The following REPS2 variants were observed in gnomAD, a reference collection of about 807,000 sequenced individuals.
REPS2 encodes ralBP1-associated Eps domain-containing protein 2.
In REPS2, 23 loss-of-function variants were observed where a neutral mutation model predicts 53.6. The ratio of observed to expected loss-of-function variants is 0.43; its 90% CI spans 0.31 to 0.61. The LOEUF (loss-of-function observed/expected upper bound fraction) is 0.61, where lower values mean the gene tolerates loss of function less well. Among genes scored for constraint, REPS2 ranks in the 20% least tolerant of loss-of-function variants. The probability of loss-of-function intolerance (pLI) is 0.11; values close to 1 mark genes in which losing one functional copy is unlikely to be tolerated. For missense variants in REPS2, 446 were observed against 534.9 expected (o/e 0.83, Z 1.64); for synonymous variants, 238 against 218.6 (o/e 1.09, Z -0.78).
chrX:17,190,385 A>C, the REPS2 span, among the ~76,000 whole-genome samples: 3 of 112,469 alleles, frequency 2.7e-5, no homozygotes, highest in African/African-American at 9.7e-5. Flanking sequence ...ACCTCCAAAA[A>C]GTGAAACATT....
At position 17,025,349 on chromosome X, in the gene REPS2, A is replaced by T. The variant is rs749884530; in HGVS notation, c.673+164A>T. 8.0e-5 allele frequency among the ~76,000 whole-genome samples: 9 copies of T among 112,009 alleles called. No individual in the cohort carries two copies. In the East Asian group the frequency reaches 1.1e-3, roughly 14 times the overall value. ...ATATTCTCAAGCAAGGTTTTTTTTT[A>T]AAAATTGATTTAAACATATTTGAGT... On this transcript the variant is annotated intron_variant, in intron 4 of 17. Transcript: ENST00000357277.
Position 17,113,455 on chromosome X carries a change from T to C in REPS2, c.1578+9676T>C, listed in dbSNP as rs182350631. Among the ~76,000 whole-genome samples the C allele has an allele frequency of 5.0e-4, 55 of 110,568 alleles. No individual in the cohort carries two copies. The East Asian group carries it at 0.013, about 25-fold the overall frequency. On this transcript the variant is annotated intron_variant, in intron 14 of 17. Coordinates refer to ENST00000357277, the MANE Select transcript of REPS2 (RefSeq NM_004726.3). The stretch of plus-strand genomic sequence containing the variant: ...TGTTTTGTGTAATGTATTTTTCCTT[T>C]GTTAACTTTGGCAGTACCTTTTACT...
At chrX:17,030,615 GTGGGACTCTGTGTACAAATAATTT>G (rs1241617025) in intron 5 of REPS2, among the ~76,000 whole-genome samples, 1 of 111,997 alleles carries the variant, frequency 8.9e-6, no homozygotes, top group Non-Finnish European at 1.9e-5. Flanking sequence ...ATTTTCTAAG[GTGGGACTCTGTGTACAAATAATTT>G]CTTAAAGATA....
intron 1 of REPS2, among the ~76,000 whole-genome samples, chrX:16,947,893 C>G (rs934691183): frequency 9.0e-6 from 1 of 111,596 alleles, no homozygotes; most frequent in Non-Finnish European, 1.9e-5. Flanking sequence ...TTTGGCTGTT[C>G]TATACTTGGA....
At chrX:17,183,299 T>C in the REPS2 span, among the ~76,000 whole-genome samples, 1 of 112,354 alleles carries the variant, frequency 8.9e-6, no homozygotes, top group African/African-American at 3.2e-5. Context: ...TTATTAATAA[T>C]TAACAATAAA....
intron 2 of REPS2, among the ~76,000 whole-genome samples, chrX:17,019,153 A>G (rs761551223): frequency 8.9e-6 from 1 of 112,127 alleles, no homozygotes; most frequent in South Asian, 3.7e-4. Flanking sequence ...ATGGAAAAAC[A>G]AAGGATTTTT....
intron 17 of REPS2, among the ~76,000 whole-genome samples, chrX:17,142,380 G>T (rs2063457574): frequency 9.0e-6 from 1 of 111,338 alleles, no homozygotes; most frequent in Non-Finnish European, 1.9e-5. Flanking sequence ...CTTTTATTTT[G>T]CCAAGCACAG....
Position 16,994,319 on chromosome X carries a change from A to G in REPS2, c.274-11902A>G, listed in dbSNP as rs2061199166. Among the ~76,000 whole-genome samples, 7 of 110,892 alleles carry G rather than the reference A, an allele frequency of 6.3e-5. No individual in the cohort carries two copies. In the Admixed American group the frequency reaches 6.7e-4, roughly 11 times the overall value. ...TGTGTGTGTGTATGTATATGTGTGT[A>G]TATATGTGTGTATGTATATGTGTGT... On this transcript the variant is annotated intron_variant, in intron 1 of 17. Coordinates refer to ENST00000357277, the MANE Select transcript of REPS2 (RefSeq NM_004726.3).
chrX:17,017,895 GA>G (rs768969476), intron 2 of REPS2, among the ~76,000 whole-genome samples: 10 of 110,499 alleles, frequency 9.0e-5, no homozygotes, highest in African/African-American at 3.0e-4. Context: ...GGCTTAATAT[GA>G]AAAAAAATGT....
At chrX:16,970,962 G>A (rs2060884412) in intron 1 of REPS2, among the ~76,000 whole-genome samples, 1 of 112,457 alleles carries the variant, frequency 8.9e-6, no homozygotes, top group Admixed American at 9.4e-5. Context: ...CTTGTGTATA[G>A]GTTTTTGTGT....
chrX:17,169,516 C>T, the REPS2 span, among the ~76,000 whole-genome samples: 1 of 110,856 alleles, frequency 9.0e-6, no homozygotes. Context: ...CCCATCTCTA[C>T]AAAAAATGTT....
intron 14 of REPS2, among the ~76,000 whole-genome samples, chrX:17,132,600 C>T (rs907208093): frequency 8.9e-6 from 1 of 112,864 alleles, no homozygotes; most frequent in African/African-American, 3.2e-5. Flanking sequence ...TGCAGTGGCA[C>T]GATCTTGGCT....
rs140580027 is a variant in REPS2 at position 17,091,970 on chromosome X, C to T, written c.1517-11748C>T. Among the ~76,000 whole-genome samples the T allele has an allele frequency of 7.9e-3, 887 of 111,944 alleles. 12 individuals are homozygous for T. Among genetic ancestry groups the T allele is most frequent in the African/African-American group, 0.028 (857 of 30,774 alleles). On this transcript the variant is annotated intron_variant, in intron 13 of 17. Coordinates refer to ENST00000357277, the MANE Select transcript of REPS2 (RefSeq NM_004726.3). ...AAAGTATAGGTCCCACTGGGAGGCT[C>T]CTTTCAACATTTTCCATTCCTTGAG...
At chrX:17,147,369 G>A (rs879137972) in intron 17 of REPS2, 44 bp from the exon 18 acceptor site, 13 of 1,026,209 alleles carry the variant, frequency 1.3e-5, no homozygotes, top group Middle Eastern at 2.6e-4. Flanking sequence ...TTCAAGAAAT[G>A]ACCCCTTTGC....
At chrX:17,110,695 A>AT (rs757774530) in intron 14 of REPS2, among the ~76,000 whole-genome samples, 1 of 95,320 alleles carries the variant, frequency 1.0e-5, no homozygotes, top group East Asian at 3.0e-4. Flanking sequence ...TCTGTCTCAA[A>AT]CAAACAAACA....
the REPS2 span, among the ~76,000 whole-genome samples, chrX:17,164,180 A>G: frequency 1.8e-5 from 2 of 111,957 alleles, no homozygotes; most frequent in African/African-American, 6.5e-5. Flanking sequence ...TACCCAGGGC[A>G]ATGACTAAGA....
At chrX:17,065,714 G>A (rs1001981696) in intron 9 of REPS2, among the ~76,000 whole-genome samples, 1 of 111,559 alleles carries the variant, frequency 9.0e-6, no homozygotes, top group African/African-American at 3.3e-5. Context: ...AGCCTCCTGA[G>A]TAGCTGGGAC....
chrX:16,974,289 C>A (rs959825376), intron 1 of REPS2, among the ~76,000 whole-genome samples: 1 of 111,180 alleles, frequency 9.0e-6, no homozygotes, highest in Non-Finnish European at 1.9e-5. Flanking sequence ...ATAAGCCTTT[C>A]TTTGTCTTTC....
At chrX:17,065,033 A>G (rs2062207118) in intron 9 of REPS2, among the ~76,000 whole-genome samples, 1 of 112,394 alleles carries the variant, frequency 8.9e-6, no homozygotes, top group African/African-American at 3.2e-5. Context: ...TCATCAGTTG[A>G]TGGACATTTG....
Sources: allele counts gnomAD v4.1 joint callset (sites outside exome capture counted in the v4.1 genomes callset), GRCh38; gene constraint gnomAD v4.1.1; transcripts MANE v1.5; gene names NCBI Gene and HGNC (gene_info 2026-07-23, HGNC 2026-07-21).